SPATS2: variants seen among roughly 807,000 people sequenced by gnomAD.
SPATS2 encodes spermatogenesis associated serine rich 2, also known as spermatogenesis-associated serine-rich protein 2.
A neutral mutation model predicts 63.7 loss-of-function variants in SPATS2; 38 were observed. The ratio of observed to expected loss-of-function variants is 0.60; its 90% confidence interval spans 0.46 to 0.78. SPATS2 has a LOEUF of 0.78. Ranked by LOEUF, SPATS2 falls within the 30% of genes least tolerant of loss-of-function variation. The pLI, the probability that SPATS2 is intolerant of heterozygous loss-of-function variation, is 0.00. For synonymous variants in SPATS2, 207 were observed against 232.9 expected, an observed-to-expected ratio of 0.89 and a Z score of 1.01; for missense variants, 588 against 666.2, an observed-to-expected ratio of 0.88 and a Z score of 1.29.
chr12:49,463,068 A>G (rs188987400), intron 3 of SPATS2: 3 of 152,258 alleles, frequency 2.0e-5, no homozygotes, highest in African/African-American at 4.8e-5. Context: ...TCTAATTACT[A>G]TAAAATGAAT....
Position 49,489,392 on chromosome 12 carries a change from A to G in SPATS2, c.106-73A>G, listed in dbSNP as rs532775443. ...AAAATGAAATATCACTCTTTTCATTATTCTCTGTATAGGCCTCAGCTGCCT... is the reference window on the plus strand; with the variant it reads ...AAAATGAAATATCACTCTTTTCATTGTTCTCTGTATAGGCCTCAGCTGCCT... On this transcript the variant is annotated intron_variant, in intron 4 of 13. Coordinates refer to ENST00000552918, the MANE Select transcript of SPATS2 (RefSeq NM_023071.4). The G allele has an allele frequency of 6.8e-5, 74 of 1,093,832 alleles. No homozygotes were observed. In the Middle Eastern group the frequency reaches 1.0e-3, roughly 15 times the overall value. 67.8% of individuals were successfully genotyped at this position (1,093,832 alleles called of 1,614,324 possible). A position where few individuals can be genotyped will look rare whatever the true frequency, so the allele number is the denominator to read the frequency against.
intron 2 of SPATS2, among the ~76,000 whole-genome samples, chr12:49,459,887 C>T (rs963642177): frequency 2.8e-5 from 4 of 141,306 alleles, no homozygotes; most frequent in African/African-American, 1.1e-4. Context: ...GAGTTCGAGA[C>T]CAGCCTGGTC....
At chr12:49,520,679 A>G (rs1002414946) in intron 11 of SPATS2, among the ~76,000 whole-genome samples, 1 of 151,998 alleles carries the variant, frequency 6.6e-6, no homozygotes, top group Non-Finnish European at 1.5e-5. Context: ...GATGTTTGTT[A>G]TAATCTATTT....
At chr12:49,423,047 A>G (rs1331046235) in intron 2 of SPATS2, among the ~76,000 whole-genome samples, 4 of 151,602 alleles carry the variant, frequency 2.6e-5, no homozygotes, top group Non-Finnish European at 4.4e-5. Context: ...TTTATGTTTT[A>G]TGTCCTCATC....
chr12:49,373,514 G>A (rs1466390676), intron 2 of SPATS2, among the ~76,000 whole-genome samples: 2 of 152,152 alleles, frequency 1.3e-5, no homozygotes, highest in Non-Finnish European at 2.9e-5. Flanking sequence ...GGCTGGGCAT[G>A]GTGGGAGGCC....
At chr12:49,514,679 C>T (rs1041198878) in intron 10 of SPATS2, 66 bp downstream of exon 10, 13 of 1,448,930 alleles carry the variant, frequency 9.0e-6, no homozygotes, top group Admixed American at 5.7e-5. Flanking sequence ...CTTCCCAACC[C>T]TTATAACAAA....
At chr12:49,451,975 A>C (rs1945630759) in intron 2 of SPATS2, among the ~76,000 whole-genome samples, 1 of 152,080 alleles carries the variant, frequency 6.6e-6, no homozygotes, top group Non-Finnish European at 1.5e-5. Context: ...TCAGCTGTTA[A>C]TGTTGCTTCC....
At chr12:49,511,324 G>C (rs1946750505) in intron 9 of SPATS2, among the ~76,000 whole-genome samples, 1 of 152,188 alleles carries the variant, frequency 6.6e-6, no homozygotes, top group African/African-American at 2.4e-5. Flanking sequence ...GCAGGAAGCA[G>C]TCATCCAAAT....
chr12:49,443,959 G>T (rs1392851017), intron 2 of SPATS2, among the ~76,000 whole-genome samples: 2 of 152,058 alleles, frequency 1.3e-5, no homozygotes, highest in Non-Finnish European at 2.9e-5. Flanking sequence ...GGCAATTCTG[G>T]TTTCTTTGAA....
chr12:49,422,469 A>G (rs1392463310), intron 2 of SPATS2, among the ~76,000 whole-genome samples: 1 of 151,912 alleles, frequency 6.6e-6, no homozygotes, highest in East Asian at 1.9e-4. Context: ...GACCTCCTTA[A>G]TCTTCCCTCT....
At chr12:49,509,806 G>A (rs1478563739) in intron 9 of SPATS2, among the ~76,000 whole-genome samples, 1 of 129,942 alleles carries the variant, frequency 7.7e-6, no homozygotes, top group African/African-American at 3.1e-5. Context: ...AACAGAGCAA[G>A]TCTCAAAAAA....
chr12:49,425,400 A>G (rs1324852444), intron 2 of SPATS2, among the ~76,000 whole-genome samples: 1 of 152,128 alleles, frequency 6.6e-6, no homozygotes, highest in Admixed American at 6.5e-5. Context: ...GCTGAAGTGC[A>G]GTGGTGCTAT....
Position 49,497,019 on chromosome 12 carries a change from A to T in SPATS2, c.703+10A>T. ...ACCAGTAAAAAGCTAAGTAAGTCAGAGGCCCACCTGTGAGAGAAAATGAAA... is the reference window on the plus strand; with the variant it reads ...ACCAGTAAAAAGCTAAGTAAGTCAGTGGCCCACCTGTGAGAGAAAATGAAA... On this transcript the variant is annotated intron_variant, in intron 8 of 13. Transcript: ENST00000552918. 1 of 1,516,890 alleles carries T rather than the reference A, an allele frequency of 6.6e-7. No individual in the cohort carries two copies. The highest frequency in any genetic ancestry group is 8.8e-7 in the Non-Finnish European group (1 of 1,135,696). The allele number at this position is 1,516,890 out of a possible 1,614,324, so 94.0% of individuals were successfully genotyped here.
At chr12:49,484,832 GCAGAACCTATTAA>G (rs1357592198) in intron 4 of SPATS2, among the ~76,000 whole-genome samples, 163 bp downstream of exon 4, 3 of 152,114 alleles carry the variant, frequency 2.0e-5, no homozygotes, top group South Asian at 2.1e-4. Context: ...TTCTGATTGC[GCAGAACCTATTAA>G]CAGAACCTAT....
At chr12:49,492,401 T>TTTTTTTTTTTTTTTG (rs1946397942) in intron 6 of SPATS2, among the ~76,000 whole-genome samples, 1 of 151,858 alleles carries the variant, frequency 6.6e-6, no homozygotes, top group African/African-American at 2.4e-5. Context: ...TTGTATTTTT[T>TTTTTTTTTTTTTTTG]AGTAGAGACA....
At chr12:49,502,969 T>C (rs1243355670) in intron 9 of SPATS2, among the ~76,000 whole-genome samples, 1 of 152,232 alleles carries the variant, frequency 6.6e-6, no homozygotes, top group Non-Finnish European at 1.5e-5. Flanking sequence ...TTTAGGTAAC[T>C]GATTTTTCCC....
intron 2 of SPATS2, among the ~76,000 whole-genome samples, chr12:49,405,809 C>T (rs973072511): frequency 7.9e-5 from 12 of 152,134 alleles, no homozygotes; most frequent in East Asian, 1.9e-4. Context: ...GTTTATTAGA[C>T]GACTTTCGTG....
chr12:49,367,208 G>C, upstream of SPATS2: 1 of 204,300 alleles, frequency 4.9e-6, no homozygotes, highest in Non-Finnish European at 9.7e-6. Flanking sequence ...CGCACCCGTT[G>C]GCTGCCACAG....
At chr12:49,428,273 CA>C (rs35741319) in intron 2 of SPATS2, among the ~76,000 whole-genome samples, 15,490 of 138,532 alleles carry the variant, frequency 0.11, 885 homozygotes, top group African/African-American at 0.16. Context: ...AACAAACAAA[CA>C]AAAAAAAAAA....
Sources: gnomAD v4.1 joint callset for allele counts (sites outside exome capture counted in the v4.1 genomes callset) on GRCh38, gnomAD v4.1.1 for gene constraint, MANE v1.5 for transcripts, NCBI Gene and HGNC (gene_info 2026-07-23, HGNC 2026-07-21) for gene names.